Variants in OSBPL6 observed in about 807,000 individuals in gnomAD.
OSBPL6 encodes the protein oxysterol-binding protein-related protein 6.
OSBPL6 carries 49 observed loss-of-function variants against 125.8 expected under a neutral mutation model. That is an observed-to-expected ratio of 0.39 (90% confidence interval 0.31 to 0.49). The LOEUF (loss-of-function observed/expected upper bound fraction) is 0.49, where lower values mean the gene tolerates loss of function less well. Among genes scored for constraint, OSBPL6 ranks in the 20% least tolerant of loss-of-function variants. OSBPL6 has a pLI of 0.88. For synonymous variants in OSBPL6, 394 were observed against 391.8 expected, an observed-to-expected ratio of 1.01 and a Z score of -0.07; for missense variants, 986 against 1,135.4, an observed-to-expected ratio of 0.87 and a Z score of 1.89.
intron 1 of OSBPL6, among the ~76,000 whole-genome samples, chr2:178,205,489 T>C (rs564056957): frequency 1.6e-4 from 25 of 152,212 alleles, no homozygotes; most frequent in Non-Finnish European, 3.2e-4. Flanking sequence ...TCCAGATAGA[T>C]TGTAGGTCTG....
At chr2:178,367,343 T>C (rs2154102233) in intron 13 of OSBPL6, among the ~76,000 whole-genome samples, 1 of 152,352 alleles carries the variant, frequency 6.6e-6, no homozygotes, top group Admixed American at 6.5e-5. Flanking sequence ...ACCCAGGATT[T>C]GGTTTTTGAC....
At chr2:178,342,249 T>C (rs1690277402) in intron 11 of OSBPL6, among the ~76,000 whole-genome samples, 1 of 152,226 alleles carries the variant, frequency 6.6e-6, no homozygotes, top group Non-Finnish European at 1.5e-5. Context: ...ACAGCCATTG[T>C]GAAGGTGCCC....
intron 15 of OSBPL6, among the ~76,000 whole-genome samples, chr2:178,382,176 C>T (rs902810387): frequency 1.3e-5 from 2 of 152,192 alleles, no homozygotes; most frequent in African/African-American, 4.8e-5. Context: ...TGGTTCTTTA[C>T]TGGTCTCCCC....
intron 1 of OSBPL6, among the ~76,000 whole-genome samples, chr2:178,282,496 C>CG (rs1246778345): frequency 6.6e-6 from 1 of 152,110 alleles, no homozygotes; most frequent in Non-Finnish European, 1.5e-5. Flanking sequence ...GACAGAGGAA[C>CG]GGGGGTGAAT....
At chr2:178,316,477 A>G (rs762426887) in intron 3 of OSBPL6, among the ~76,000 whole-genome samples, 38 of 152,200 alleles carry the variant, frequency 2.5e-4, no homozygotes, top group Non-Finnish European at 3.7e-4. Flanking sequence ...CACAGCTGCT[A>G]AAAATGCTTT....
At chr2:178,388,148 G>A (rs1487491163) in intron 20 of OSBPL6, among the ~76,000 whole-genome samples, 1 of 152,056 alleles carries the variant, frequency 6.6e-6, no homozygotes, top group Non-Finnish European at 1.5e-5. Flanking sequence ...TATATGTAAC[G>A]TACAAACTTA....
chr2:178,338,918 T>A, intron 9 of OSBPL6, 73 bp from the exon 10 acceptor site: 2 of 984,702 alleles, frequency 2.0e-6, no homozygotes, highest in Admixed American at 4.1e-5. Flanking sequence ...ATAATTTGCA[T>A]TGACCCTTTT....
intron 3 of OSBPL6, among the ~76,000 whole-genome samples, chr2:178,316,293 G>A (rs1687731127): frequency 1.3e-5 from 2 of 152,118 alleles, no homozygotes. Context: ...ATGGGACCCA[G>A]TAACTCAGCT....
At chr2:178,237,390 C>T (rs140090196) in intron 1 of OSBPL6, among the ~76,000 whole-genome samples, 1 of 151,994 alleles carries the variant, frequency 6.6e-6, no homozygotes, top group Non-Finnish European at 1.5e-5. Context: ...TGCATTCTTA[C>T]TGCCTATGCT....
intron 3 of OSBPL6, among the ~76,000 whole-genome samples, chr2:178,306,959 GGTT>G (rs1259411692): frequency 6.6e-6 from 1 of 152,180 alleles, no homozygotes; most frequent in Non-Finnish European, 1.5e-5. Flanking sequence ...TGTCAGAACA[GGTT>G]GTTATTTCAG....
At chr2:178,312,156 A>G (rs1407324155) in intron 3 of OSBPL6, among the ~76,000 whole-genome samples, 12 of 58,730 alleles carry the variant, frequency 2.0e-4, no homozygotes, top group African/African-American at 7.5e-4. Flanking sequence ...TGATTTTTGT[A>G]ATTTTTTTTT....
chr2:178,359,485 A>G (rs375874835), intron 12 of OSBPL6, among the ~76,000 whole-genome samples: 1 of 151,882 alleles, frequency 6.6e-6, no homozygotes, highest in East Asian at 1.9e-4. Flanking sequence ...ACACCGGAAA[A>G]TAGTACAGAG....
chr2:178,234,075 A>G (rs1045022985), intron 1 of OSBPL6, among the ~76,000 whole-genome samples: 3 of 152,176 alleles, frequency 2.0e-5, no homozygotes, highest in African/African-American at 7.2e-5. Flanking sequence ...TCAGTATTAC[A>G]TTAATAGGAA....
At chr2:178,241,567 T>C (rs1279391522) in intron 1 of OSBPL6, among the ~76,000 whole-genome samples, 6 of 151,678 alleles carry the variant, frequency 4.0e-5, no homozygotes, top group Non-Finnish European at 2.9e-5. Context: ...AGGCTCGCAC[T>C]ACTATGCCTG....
chr2:178,303,656 A>C (rs528257312), intron 2 of OSBPL6, among the ~76,000 whole-genome samples: 2 of 152,182 alleles, frequency 1.3e-5, no homozygotes, highest in Non-Finnish European at 2.9e-5. Flanking sequence ...TTTGTCTCCA[A>C]CTGAATGTCT....
chr2:178,237,194 G>T (rs147180), intron 1 of OSBPL6, among the ~76,000 whole-genome samples: 2 of 151,890 alleles, frequency 1.3e-5, no homozygotes, highest in Non-Finnish European at 2.9e-5. Context: ...TAATCCTTTC[G>T]TGTCCTTCTA....
chr2:178,323,884 A>C, intron 3 of OSBPL6: 1 of 214,454 alleles, frequency 4.7e-6, no homozygotes, highest in African/African-American at 2.3e-5. Flanking sequence ...TTTGTCATAA[A>C]GTTGTAAGTT....
chr2:178,394,323 G>T lies in OSBPL6; in HGVS notation c.2584G>T (p.Glu862Ter). 1 of 1,612,424 alleles carries T rather than the reference G, an allele frequency of 6.2e-7. No individual in the cohort carries two copies. Among genetic ancestry groups the T allele is most frequent in the Non-Finnish European group, 8.5e-7 (1 of 1,179,616 alleles). Reference protein sequence around the residue: ...RFRPDQRFLEEGNLEAAASEK... With the variant: ...RFRPDQRFLE ...CTGCTTTCTGCTTAGATTTTTGGAAGAAGGAAATTTAGAAGCTGCAGCATC... is the reference window on the plus strand; with the variant it reads ...CTGCTTTCTGCTTAGATTTTTGGAATAAGGAAATTTAGAAGCTGCAGCATC... The change falls in exon 24 of 25, where the codon GAA becomes TAA. Residue 862 changes from glutamate to a stop codon, truncating the protein, a stop_gained. Coordinates refer to ENST00000190611, the MANE Select transcript of OSBPL6 (RefSeq NM_032523.4). LOFTEE classifies it high-confidence loss of function.
chr2:178,331,727 A>G, intron 6 of OSBPL6, 122 bp downstream of exon 6: 1 of 983,174 alleles, frequency 1.0e-6, no homozygotes, highest in South Asian at 1.4e-5. Flanking sequence ...TGGGCCTGTA[A>G]GATTTCACAA....
Sources: gnomAD v4.1 joint callset for allele counts (sites outside exome capture counted in the v4.1 genomes callset) on GRCh38, gnomAD v4.1.1 for gene constraint, MANE v1.5 for transcripts, NCBI Gene and HGNC (gene_info 2026-07-23, HGNC 2026-07-21) for gene names.